TRPM6: variants seen among roughly 807,000 people sequenced by gnomAD.
TRPM6 encodes the protein channel kinase 2.
TRPM6 carries 111 observed loss-of-function variants against 247.6 expected under a neutral mutation model. The ratio of observed to expected loss-of-function variants is 0.45; its 90% CI spans 0.38 to 0.52. TRPM6 has a LOEUF of 0.52. Ranked by LOEUF, TRPM6 falls within the 20% of genes least tolerant of loss-of-function variation. The pLI is 0.00. For missense variants in TRPM6, 2,126 were observed against 2,421.5 expected (o/e 0.88, Z 2.56); for synonymous variants, 892 against 853.8 (o/e 1.04, Z -0.78).
At chr9:74,880,475 C>T (rs1470062649) in intron 1 of TRPM6, among the ~76,000 whole-genome samples, 1 of 152,030 alleles carries the variant, frequency 6.6e-6, no homozygotes, top group Non-Finnish European at 1.5e-5. Context: ...GAACCTCCAT[C>T]AGACTAACAG....
chr9:74,745,333 G>A (rs1051154132), intron 31 of TRPM6, among the ~76,000 whole-genome samples: 1 of 152,198 alleles, frequency 6.6e-6, no homozygotes, highest in African/African-American at 2.4e-5. Context: ...TACCTACTAT[G>A]TGCCAGGCAC....
intron 11 of TRPM6, among the ~76,000 whole-genome samples, chr9:74,814,878 G>A (rs567566644): frequency 9.2e-4 from 140 of 152,304 alleles, no homozygotes; most frequent in Admixed American, 2.2e-3. Flanking sequence ...GGTGTGGGAG[G>A]TGGAGGTTGA....
intron 7 of TRPM6, among the ~76,000 whole-genome samples, chr9:74,826,494 G>C (rs1434063194): frequency 6.6e-6 from 1 of 152,114 alleles, no homozygotes; most frequent in East Asian, 1.9e-4. Flanking sequence ...GGCACAAGAG[G>C]CAGGGGTCGA....
At chr9:74,803,570 A>G (rs1390678946) in intron 15 of TRPM6, among the ~76,000 whole-genome samples, 7 of 152,180 alleles carry the variant, frequency 4.6e-5, no homozygotes, top group Non-Finnish European at 7.4e-5. Context: ...CAGCAGGGAT[A>G]GCAGCAAGGA....
intron 9 of TRPM6, among the ~76,000 whole-genome samples, chr9:74,818,414 T>C (rs1408248137): frequency 6.8e-6 from 1 of 147,470 alleles, no homozygotes; most frequent in East Asian, 2.1e-4. Context: ...GCGATTCTCC[T>C]GCCTAAGCCT....
chr9:74,812,107 T>G (rs2117904982), intron 12 of TRPM6, among the ~76,000 whole-genome samples, 192 bp downstream of exon 12: 1 of 152,342 alleles, frequency 6.6e-6, no homozygotes, highest in East Asian at 1.9e-4. Flanking sequence ...ATTTTGAAGA[T>G]GTACAGAAAT....
At chr9:74,820,160 T>TC (rs1297326532) in intron 9 of TRPM6, 144 bp downstream of exon 9, 2 of 871,796 alleles carry the variant, frequency 2.3e-6, no homozygotes, top group South Asian at 1.5e-5. Flanking sequence ...ATTTTCTCCC[T>TC]CCCCCCTCCA....
intron 2 of TRPM6, 113 bp from the exon 3 acceptor site, chr9:74,855,678 GAA>G: frequency 1.3e-6 from 1 of 776,690 alleles, no homozygotes; most frequent in East Asian, 2.5e-5. Flanking sequence ...AAGGTTTGCT[GAA>G]ATTCATATAT....
intron 11 of TRPM6, among the ~76,000 whole-genome samples, chr9:74,813,423 TC>T (rs1828806283): frequency 6.6e-6 from 1 of 152,184 alleles, no homozygotes; most frequent in African/African-American, 2.4e-5. Context: ...ACATGCTGAA[TC>T]CCTAATGTTG....
chr9:74,816,484 A>AC (rs1016682907), intron 11 of TRPM6, among the ~76,000 whole-genome samples, 185 bp downstream of exon 11: 4 of 151,486 alleles, frequency 2.6e-5, no homozygotes, highest in African/African-American at 9.7e-5. Flanking sequence ...AAAAAAAAAA[A>AC]AAAAACAGAT....
At chr9:74,764,102 C>T (rs910027311) in intron 25 of TRPM6, among the ~76,000 whole-genome samples, 7 of 141,652 alleles carry the variant, frequency 4.9e-5, no homozygotes, top group African/African-American at 1.3e-4. Flanking sequence ...CCAGCCTGGG[C>T]GACAGAGTAA....
intron 36 of TRPM6, among the ~76,000 whole-genome samples, chr9:74,733,940 T>A (rs1457395808): frequency 6.6e-6 from 1 of 152,224 alleles, no homozygotes; most frequent in Admixed American, 6.5e-5. Context: ...TACACCTGTG[T>A]ATTCAGTTGT....
intron 6 of TRPM6, among the ~76,000 whole-genome samples, chr9:74,833,315 T>C (rs1368908980): frequency 1.3e-5 from 2 of 152,162 alleles, no homozygotes; most frequent in African/African-American, 4.8e-5. Context: ...TACCAAAAAA[T>C]TATATTAGTC....
intron 38 of TRPM6, among the ~76,000 whole-genome samples, chr9:74,725,387 G>A (rs1026519875): frequency 2.2e-4 from 33 of 152,134 alleles, no homozygotes; most frequent in African/African-American, 7.2e-4. Flanking sequence ...AATGTTAAAT[G>A]AGGATTATGT....
At chr9:74,843,450 C>G (rs982894669) in intron 3 of TRPM6, among the ~76,000 whole-genome samples, 2 of 152,106 alleles carry the variant, frequency 1.3e-5, no homozygotes, top group African/African-American at 4.8e-5. Context: ...TTTACTTTGT[C>G]CAGATCCATC....
chr9:74,761,374 T>C (rs904247846), intron 27 of TRPM6, among the ~76,000 whole-genome samples: 4 of 152,170 alleles, frequency 2.6e-5, no homozygotes, highest in Admixed American at 6.5e-5. Flanking sequence ...TCCTTCAACA[T>C]GTTAGCAGAT....
At chr9:74,793,356 C>CT (rs1323300736) in intron 18 of TRPM6, among the ~76,000 whole-genome samples, 4 of 151,700 alleles carry the variant, frequency 2.6e-5, no homozygotes, top group African/African-American at 7.3e-5. Context: ...TCCCAATATC[C>CT]TTTTTTTTGA....
intron 9 of TRPM6, among the ~76,000 whole-genome samples, chr9:74,818,290 T>C (rs910721106): frequency 7.0e-6 from 1 of 143,232 alleles, no homozygotes; most frequent in Non-Finnish European, 1.5e-5. Flanking sequence ...AGATCTATCA[T>C]TTCTTTTTTT....
At position 74,787,152 on chromosome 9, in the gene TRPM6, T is replaced by C. The variant is rs145709757; in HGVS notation, c.2668-1027A>G. ...GAGTTCAAGACCAGCCTGGCCAACA[T>C]GGTGAAACCCTGTCTCTGCTAAAAA... On this transcript the variant is annotated intron_variant, in intron 20 of 38. Coordinates refer to ENST00000360774, the MANE Select transcript of TRPM6 (RefSeq NM_017662.5). Among the ~76,000 whole-genome samples, 718 of 152,206 alleles carry C rather than the reference T, an allele frequency of 4.7e-3. 3 individuals carry two copies. The highest frequency in any genetic ancestry group is 0.014 in the Middle Eastern group (4 of 294).
Sources: gnomAD v4.1 joint callset for allele counts (sites outside exome capture counted in the v4.1 genomes callset) on GRCh38, gnomAD v4.1.1 for gene constraint, MANE v1.5 for transcripts, NCBI Gene and HGNC (gene_info 2026-07-23, HGNC 2026-07-21) for gene names.